The following SLC36A1 variants were observed in gnomAD, a reference collection of about 807,000 sequenced individuals.
SLC36A1 encodes proton-coupled amino acid transporter 1.
SLC36A1 carries 30 observed loss-of-function variants against 47.5 expected under a neutral mutation model. The observed-to-expected ratio is 0.63, with a 90% CI of 0.47 to 0.86. SLC36A1 has a LOEUF of 0.86. Among genes scored for constraint, SLC36A1 ranks in the 40% least tolerant of loss-of-function variants. SLC36A1 has a pLI of 0.00. For synonymous variants in SLC36A1, 255 were observed against 249.7 expected (o/e 1.02, Z -0.20); for missense variants, 517 against 606.0 (o/e 0.85, Z 1.54).
the SLC36A1 span, among the ~76,000 whole-genome samples, chr5:151,351,749 C>G: frequency 2.0e-5 from 3 of 152,214 alleles, no homozygotes; most frequent in Non-Finnish European, 4.4e-5. Context: ...CTCACCACCT[C>G]CATTCTCATC....
At chr5:151,507,355 A>G in the SLC36A1 span, 6 of 1,614,154 alleles carry the variant, frequency 3.7e-6, no homozygotes, top group Non-Finnish European at 5.1e-6. Context: ...CTGGCACTCA[A>G]TGGGTTGAGC....
downstream of SLC36A1, among the ~76,000 whole-genome samples, chr5:151,494,355 G>T (rs1760280388): frequency 6.6e-6 from 1 of 152,164 alleles, no homozygotes. Context: ...CAAATGTGCA[G>T]TTCAATGTGT....
the SLC36A1 span, chr5:151,525,708 C>G: frequency 6.3e-7 from 1 of 1,590,550 alleles, no homozygotes; most frequent in Non-Finnish European, 8.6e-7. Flanking sequence ...ACTGGTGGGG[C>G]TTTTGCCAGC....
chr5:151,494,659 A>G (rs1467663099), downstream of SLC36A1, among the ~76,000 whole-genome samples: 11 of 152,234 alleles, frequency 7.2e-5, no homozygotes, highest in Admixed American at 5.9e-4. Context: ...GCTGAGTAGT[A>G]TCTATTGCGT....
chr5:151,519,367 C>T, the SLC36A1 span, among the ~76,000 whole-genome samples: 11 of 152,120 alleles, frequency 7.2e-5, no homozygotes, highest in Admixed American at 7.2e-4. Flanking sequence ...AAAATCCAAA[C>T]AAGTCCAAAA....
chr5:151,429,506 A>G, the SLC36A1 span, among the ~76,000 whole-genome samples: 1 of 151,698 alleles, frequency 6.6e-6, no homozygotes, highest in East Asian at 1.9e-4. Flanking sequence ...AGTTTCATCC[A>G]TGTCCCTACA....
chr5:151,366,947 G>A, the SLC36A1 span, among the ~76,000 whole-genome samples: 111 of 152,314 alleles, frequency 7.3e-4, 2 homozygotes, highest in East Asian at 0.021. Context: ...AGGGGAGGGG[G>A]TGTAAGAACA....
intron 10 of SLC36A1, among the ~76,000 whole-genome samples, chr5:151,480,803 A>G (rs1350450121): frequency 2.0e-5 from 3 of 152,216 alleles, no homozygotes. Flanking sequence ...GGTATTTATA[A>G]TGTAAACTCT....
the SLC36A1 span, among the ~76,000 whole-genome samples, chr5:151,389,558 C>A: frequency 1.7e-5 from 2 of 117,854 alleles, no homozygotes; most frequent in Admixed American, 1.9e-4. Context: ...TATCCCTCCC[C>A]CCTCCCCCGA....
chr5:151,452,307 T>G (rs1296339110), intron 1 of SLC36A1: 1 of 152,206 alleles, frequency 6.6e-6, no homozygotes, highest in Non-Finnish European at 1.5e-5. Context: ...AGACCACACA[T>G]AGCAACACAG....
At chr5:151,379,003 A>G in the SLC36A1 span, among the ~76,000 whole-genome samples, 1 of 152,246 alleles carries the variant, frequency 6.6e-6, no homozygotes, top group Non-Finnish European at 1.5e-5. Context: ...TACACAATAA[A>G]TAATCAAAAT....
chr5:151,358,866 C>T, the SLC36A1 span, among the ~76,000 whole-genome samples: 6 of 149,012 alleles, frequency 4.0e-5, no homozygotes, highest in African/African-American at 1.5e-4. Context: ...CCCAGCTACT[C>T]GGGAGGCTGA....
chr5:151,345,476 A>T, the SLC36A1 span, among the ~76,000 whole-genome samples: 1 of 152,194 alleles, frequency 6.6e-6, no homozygotes, highest in African/African-American at 2.4e-5. Context: ...AGGAAGCTTC[A>T]TATTGAAGCT....
At chr5:151,553,438 G>A in the SLC36A1 span, 1 of 1,541,298 alleles carries the variant, frequency 6.5e-7, no homozygotes, top group African/African-American at 1.4e-5. Flanking sequence ...GAGACAGGAA[G>A]ACCCAAGCAG....
chr5:151,529,514 C>G, the SLC36A1 span: 1 of 711,818 alleles, frequency 1.4e-6, no homozygotes, highest in Non-Finnish European at 2.4e-6. Context: ...TAAGTGTCCT[C>G]TGTCATCTCC....
intron 9 of SLC36A1, chr5:151,477,342 C>T (rs1303026902): frequency 1.8e-5 from 3 of 166,788 alleles, no homozygotes; most frequent in Non-Finnish European, 3.9e-5. Context: ...TTAGCAGACA[C>T]TGAGAAGCTT....
intron 7 of SLC36A1, among the ~76,000 whole-genome samples, chr5:151,468,436 G>T (rs989946128): frequency 6.9e-6 from 1 of 144,638 alleles, no homozygotes; most frequent in Non-Finnish European, 1.5e-5. Flanking sequence ...TATATATTGT[G>T]TATATATATA....
At chr5:151,519,897 C>CCT in the SLC36A1 span, among the ~76,000 whole-genome samples, 740 of 152,266 alleles carry the variant, frequency 4.9e-3, 13 homozygotes, top group African/African-American at 0.017. Flanking sequence ...TAAATTAAAA[C>CCT]CTCTGGAGGT....
the SLC36A1 span, among the ~76,000 whole-genome samples, chr5:151,515,775 CCTGACTGGG>C: frequency 6.6e-6 from 1 of 152,206 alleles, no homozygotes; most frequent in African/African-American, 2.4e-5. Flanking sequence ...GCAGTGGCCT[CCTGACTGGG>C]TCTCTCTGCT....
Sources: gnomAD v4.1 joint callset for allele counts (sites outside exome capture counted in the v4.1 genomes callset) on GRCh38, gnomAD v4.1.1 for gene constraint, MANE v1.5 for transcripts, NCBI Gene and HGNC (gene_info 2026-07-23, HGNC 2026-07-21) for gene names.